EPM2A: variants seen among roughly 807,000 people sequenced by gnomAD.
The protein encoded by EPM2A is EPM2A glucan phosphatase, laforin.
EPM2A carries 21 observed loss-of-function variants against 26.5 expected under a neutral mutation model. That is an observed-to-expected ratio of 0.79 (90% CI 0.56 to 1.14). The LOEUF is 1.14. Ranked by LOEUF, EPM2A falls within the 50% of genes most tolerant of loss-of-function variation. EPM2A has a pLI of 0.00. For missense variants in EPM2A, 458 were observed against 440.8 expected (o/e 1.04, Z -0.35); for synonymous variants, 217 against 177.6 (o/e 1.22, Z -1.76).
intron 2 of EPM2A, among the ~76,000 whole-genome samples, chr6:145,531,863 T>C (rs752324554): frequency 6.6e-6 from 1 of 152,238 alleles, no homozygotes; most frequent in Non-Finnish European, 1.5e-5. Flanking sequence ...CTGTGCCTGC[T>C]ACCTATACCT....
chr6:145,560,201 T>C (rs1185364061), intron 2 of EPM2A, among the ~76,000 whole-genome samples: 2 of 152,110 alleles, frequency 1.3e-5, no homozygotes, highest in Non-Finnish European at 2.9e-5. Context: ...AATTCTCCTC[T>C]CAGTAAATCA....
intron 2 of EPM2A, among the ~76,000 whole-genome samples, chr6:145,588,174 C>A (rs1014362760): frequency 6.6e-6 from 1 of 152,082 alleles, no homozygotes; most frequent in Non-Finnish European, 1.5e-5. Flanking sequence ...ATTTTGTAAA[C>A]CTCATTGAAT....
intron 2 of EPM2A, among the ~76,000 whole-genome samples, chr6:145,654,194 A>ATTT (rs55978408): frequency 0.01 from 1,515 of 148,222 alleles, 32 homozygotes; most frequent in African/African-American, 0.035. Flanking sequence ...AGACTATGCA[A>ATTT]TTTTTTTTTT....
chr6:145,497,937 T>C (rs538638691), downstream of EPM2A, among the ~76,000 whole-genome samples: 6 of 152,098 alleles, frequency 3.9e-5, no homozygotes, highest in African/African-American at 1.2e-4. Flanking sequence ...TCCTCCCAGG[T>C]ACTTCATCCC....
At chr6:145,525,662 C>A (rs757472552) in intron 2 of EPM2A, among the ~76,000 whole-genome samples, 2 of 152,062 alleles carry the variant, frequency 1.3e-5, no homozygotes, top group African/African-American at 2.4e-5. Flanking sequence ...TAAAACTTTA[C>A]TATAGCTGTT....
chr6:145,567,301 C>T (rs1439946023), intron 2 of EPM2A, among the ~76,000 whole-genome samples: 1 of 152,160 alleles, frequency 6.6e-6, no homozygotes, highest in Non-Finnish European at 1.5e-5. Context: ...AATGCTGCTC[C>T]TCAATCTTCC....
chr6:145,659,052 A>G lies in EPM2A; in HGVS notation c.477-23566T>C, dbSNP rs533488562. Among the ~76,000 whole-genome samples, 4 of 152,326 alleles carry G rather than the reference A, an allele frequency of 2.6e-5. No homozygotes were observed. In the South Asian group the frequency reaches 8.3e-4, roughly 32 times the overall value. On this transcript the variant is annotated intron_variant, in intron 2 of 3. Transcript: ENST00000367519. The stretch of plus-strand genomic sequence containing the variant: ...AGGAATACCAGCCACTTGACTTACA[A>G]ACTAAAAATGATTAATATAGGTCAC...
intron 2 of EPM2A, among the ~76,000 whole-genome samples, chr6:145,657,491 G>A (rs1489861639): frequency 2.0e-5 from 3 of 152,038 alleles, no homozygotes; most frequent in East Asian, 3.9e-4. Flanking sequence ...TTAACTGACA[G>A]GATTTATTCT....
chr6:145,624,819 C>T (rs150452758), downstream of EPM2A, among the ~76,000 whole-genome samples: 19 of 152,252 alleles, frequency 1.2e-4, no homozygotes, highest in African/African-American at 3.9e-4. Context: ...ATTTCTTACA[C>T]CAAGCCAAGT....
At chr6:145,670,041 A>G (rs1235933427) in intron 2 of EPM2A, among the ~76,000 whole-genome samples, 1 of 152,178 alleles carries the variant, frequency 6.6e-6, no homozygotes, top group Non-Finnish European at 1.5e-5. Context: ...ACCAGAGATG[A>G]ATCGTTTATT....
chr6:145,531,679 C>T (rs537806179), intron 2 of EPM2A, among the ~76,000 whole-genome samples: 2 of 152,242 alleles, frequency 1.3e-5, no homozygotes, highest in East Asian at 3.9e-4. Flanking sequence ...AACCCGGTAC[C>T]ATAAATGAAG....
chr6:145,452,650 C>T lies in EPM2A; in HGVS notation c.555+49872G>A, dbSNP rs1397580288. On this transcript the variant is annotated intron_variant, in intron 4 of 4. Coordinates refer to the EPM2A transcript ENST00000638717. ...CTTGCAGTGAGCCGAGATCACGCCA[C>T]TGCACTCCCGCCTGGGCAACAGAGC... Among the ~76,000 whole-genome samples the T allele has an allele frequency of 2.0e-5, 3 of 148,780 alleles. No homozygotes were observed. In the East Asian group the frequency reaches 5.9e-4, roughly 29 times the overall value.
chr6:145,718,980 C>T lies in EPM2A; in HGVS notation c.301+16218G>A, dbSNP rs529208915. On this transcript the variant is annotated intron_variant, in intron 1 of 3. Transcript: ENST00000367519. ...TTAAAAAGTCAGGAAACAACAGATG[C>T]TGGAGAGGATGTGGAGAAATAGGAA... 1.5e-3 allele frequency among the ~76,000 whole-genome samples: 235 copies of T among 152,320 alleles called. 2 individuals are homozygous for T. Among genetic ancestry groups the T allele is most frequent in the African/African-American group, 5.4e-3 (225 of 41,560 alleles).
At chr6:145,667,605 G>T (rs1389235847) in intron 2 of EPM2A, among the ~76,000 whole-genome samples, 1 of 151,260 alleles carries the variant, frequency 6.6e-6, no homozygotes, top group Non-Finnish European at 1.5e-5. Flanking sequence ...AGTCAGTGTG[G>T]CGATTCCTCA....
chr6:145,677,898 T>C (rs904782198), intron 2 of EPM2A, among the ~76,000 whole-genome samples: 2 of 152,148 alleles, frequency 1.3e-5, no homozygotes, highest in Non-Finnish European at 2.9e-5. Flanking sequence ...AAGCTACCAA[T>C]GACTTTCTTC....
chr6:145,418,116 C>T (rs899733925), intron 4 of EPM2A, among the ~76,000 whole-genome samples: 1 of 152,178 alleles, frequency 6.6e-6, no homozygotes, highest in African/African-American at 2.4e-5. Flanking sequence ...CTGGGCCAGC[C>T]ATTGCACATT....
At chr6:145,660,635 CCACTAAAA>C in intron 2 of EPM2A, among the ~76,000 whole-genome samples, 1 of 152,028 alleles carries the variant, frequency 6.6e-6, no homozygotes, top group African/African-American at 2.4e-5. Flanking sequence ...AACCCTGTTT[CCACTAAAA>C]ATATAAAAAT....
At chr6:145,429,654 T>A (rs1562331216) in intron 4 of EPM2A, among the ~76,000 whole-genome samples, 3 of 152,300 alleles carry the variant, frequency 2.0e-5, no homozygotes, top group South Asian at 2.1e-4. Context: ...TTTAATTTTT[T>A]AAAATGTAAC....
intron 1 of EPM2A, among the ~76,000 whole-genome samples, chr6:145,730,067 C>T (rs1310942847): frequency 6.6e-6 from 1 of 152,180 alleles, no homozygotes. Flanking sequence ...GTCCCTGCTT[C>T]CCCTTCATCT....
Sources: allele counts gnomAD v4.1 joint callset (sites outside exome capture counted in the v4.1 genomes callset), GRCh38; gene constraint gnomAD v4.1.1; transcripts MANE v1.5; gene names NCBI Gene and HGNC (gene_info 2026-07-23, HGNC 2026-07-21).